The following SHLD1 variants were observed in gnomAD, a reference collection of about 807,000 sequenced individuals.
SHLD1 encodes shieldin complex subunit 1.
Under a neutral mutation model 5.5 loss-of-function variants are expected in SHLD1, and 3 were observed. That is an observed-to-expected ratio of 0.54 (90% confidence interval 0.25 to 1.40). The LOEUF is 1.40. SHLD1 is among the 40% of genes most tolerant of loss of function. SHLD1 has a pLI of 0.15. For missense variants in SHLD1, 210 were observed against 244.4 expected, an observed-to-expected ratio of 0.86 and a Z score of 0.94; for synonymous variants, 92 against 94.3, an observed-to-expected ratio of 0.98 and a Z score of 0.14.
intron 2 of SHLD1, among the ~76,000 whole-genome samples, chr20:5,812,881 TA>T (rs1287090066): frequency 6.6e-6 from 1 of 152,074 alleles, no homozygotes; most frequent in Non-Finnish European, 1.5e-5. Context: ...TTTTTATTTT[TA>T]TTTTTTTATT....
chr20:5,750,516 T>C (rs1024780786), intron 1 of SHLD1, 37 bp downstream of exon 1: 1 of 17,454 alleles, frequency 5.7e-5, no homozygotes, highest in Non-Finnish European at 1.1e-4. Context: ...GTTGGAGTGG[T>C]GGGGGCGGGG....
rs574692324 is a variant in SHLD1, at chr20:5,855,034, C to T, written c.179-7990C>T. 3.0e-4 allele frequency among the ~76,000 whole-genome samples: 45 copies of T among 151,994 alleles called. No homozygotes were observed. The East Asian group carries it at 4.1e-3, about 14-fold the overall frequency. ...GACTACAGGCATGAACCACCATGGCCGGCTAAATTTTTAATTTTTTTTTTG... is the reference window on the plus strand; with the variant it reads ...GACTACAGGCATGAACCACCATGGCTGGCTAAATTTTTAATTTTTTTTTTG... On this transcript the variant is annotated intron_variant, in intron 2 of 2. Coordinates refer to ENST00000303142, the MANE Select transcript of SHLD1 (RefSeq NM_152504.4). This position sits in a 1 kb window ranked among gnomAD's most constrained non-coding sequence, Gnocchi z 4.4.
chr20:5,754,779 G>T (rs901221518), intron 1 of SHLD1, among the ~76,000 whole-genome samples: 3 of 152,234 alleles, frequency 2.0e-5, no homozygotes, highest in Non-Finnish European at 4.4e-5. Flanking sequence ...AGTTGGGCCG[G>T]GCGTGGTGGC....
At chr20:5,752,410 CAA>C (rs1208137760) in intron 1 of SHLD1, among the ~76,000 whole-genome samples, 1 of 141,042 alleles carries the variant, frequency 7.1e-6, no homozygotes, top group East Asian at 2.1e-4. Flanking sequence ...AAAAAAAAAA[CAA>C]AAAAGAGAGA....
chr20:5,780,306 G>C (rs1483391088), intron 2 of SHLD1, among the ~76,000 whole-genome samples: 1 of 152,104 alleles, frequency 6.6e-6, no homozygotes, highest in Non-Finnish European at 1.5e-5. Context: ...CATATCATCT[G>C]TTATCAAATT....
chr20:5,807,031 C>G (rs1397622827), intron 2 of SHLD1, among the ~76,000 whole-genome samples: 1 of 152,198 alleles, frequency 6.6e-6, no homozygotes, highest in Admixed American at 6.5e-5. Context: ...TGAGCCAGGC[C>G]CATGCCCACT....
intron 2 of SHLD1, among the ~76,000 whole-genome samples, chr20:5,795,296 G>A (rs762919580): frequency 2.0e-5 from 3 of 151,064 alleles, no homozygotes; most frequent in Admixed American, 6.6e-5. Context: ...AAACCAAAGT[G>A]ATAAAATCAG....
At chr20:5,845,125 A>G (rs2087917688) in intron 2 of SHLD1, among the ~76,000 whole-genome samples, 1 of 152,090 alleles carries the variant, frequency 6.6e-6, no homozygotes, top group African/African-American at 2.4e-5. Context: ...AGCATTCACT[A>G]TTCACTTTGA....
At chr20:5,825,909 T>G (rs1367924698) in intron 2 of SHLD1, among the ~76,000 whole-genome samples, 1 of 152,246 alleles carries the variant, frequency 6.6e-6, no homozygotes, top group Non-Finnish European at 1.5e-5. Flanking sequence ...AACTGAGTAT[T>G]ATGCAACTGA....
At position 5,779,197 on chromosome 20, in the gene SHLD1, GTCTAAAAAAA is replaced by G. The variant is rs1170850457; in HGVS notation, c.178+6155_178+6164del. Among the ~76,000 whole-genome samples, 3 of 147,756 alleles carry G rather than the reference GTCTAAAAAAA, an allele frequency of 2.0e-5. No individual in the cohort carries two copies. The Admixed American group carries it at 2.0e-4, about 10-fold the overall frequency. On this transcript the variant is annotated intron_variant, in intron 2 of 2. Coordinates refer to ENST00000303142, the MANE Select transcript of SHLD1 (RefSeq NM_152504.4). ...AGTCTGGGCAACAGAGTGAGACTCT[GTCTAAAAAAA>G]AAAAAAAAAGTCAGTTAGGAGAGGT...
intron 2 of SHLD1, among the ~76,000 whole-genome samples, chr20:5,805,728 G>C (rs769202463): frequency 2.6e-5 from 4 of 152,122 alleles, no homozygotes; most frequent in African/African-American, 9.7e-5. Flanking sequence ...AGTCTCCCGA[G>C]TAGCTGTGAT....
chr20:5,750,396 T>A (rs1318125183), upstream of SHLD1: 1 of 151,350 alleles, frequency 6.6e-6, no homozygotes, highest in Non-Finnish European at 1.5e-5. Context: ...CGCCATTGCT[T>A]CCGCGTTCCG....
At chr20:5,776,783 ATAAG>A (rs1436427207) in intron 2 of SHLD1, among the ~76,000 whole-genome samples, 2 of 151,910 alleles carry the variant, frequency 1.3e-5, no homozygotes, top group East Asian at 1.9e-4. Context: ...ATAATAATAA[ATAAG>A]TAAGCATAAA....
intron 2 of SHLD1, among the ~76,000 whole-genome samples, chr20:5,823,460 T>G (rs1475201063): frequency 6.6e-6 from 1 of 151,630 alleles, no homozygotes; most frequent in Non-Finnish European, 1.5e-5. Flanking sequence ...TTGTTTTTTT[T>G]TTTTTGAGAT....
At chr20:5,769,122 G>A (rs779188231) in intron 1 of SHLD1, among the ~76,000 whole-genome samples, 3 of 152,170 alleles carry the variant, frequency 2.0e-5, no homozygotes, top group Non-Finnish European at 4.4e-5. Flanking sequence ...GCCCAGGCTG[G>A]TCTTCAACTC....
At chr20:5,859,291 AGGG>A (rs1231678125) in intron 2 of SHLD1, among the ~76,000 whole-genome samples, 1 of 152,120 alleles carries the variant, frequency 6.6e-6, no homozygotes, top group Non-Finnish European at 1.5e-5. Context: ...GGTGAGGGGC[AGGG>A]GGACATTATT....
chr20:5,811,502 G>A (rs1046959190), intron 2 of SHLD1, among the ~76,000 whole-genome samples: 8 of 151,964 alleles, frequency 5.3e-5, no homozygotes, highest in African/African-American at 1.9e-4. Flanking sequence ...AAGTGTATTA[G>A]GACCAGACTG....
At chr20:5,782,638 T>C (rs2087002711) in intron 2 of SHLD1, among the ~76,000 whole-genome samples, 1 of 152,194 alleles carries the variant, frequency 6.6e-6, no homozygotes, top group Non-Finnish European at 1.5e-5. Flanking sequence ...TTAAAGTAAA[T>C]AGTGATTTAA....
intron 2 of SHLD1, among the ~76,000 whole-genome samples, chr20:5,792,546 A>G (rs543817084): frequency 6.6e-6 from 1 of 151,888 alleles, no homozygotes; most frequent in African/African-American, 2.4e-5. Flanking sequence ...CAGTCCCCCA[A>G]ATAGCTGGGA....
Sources: gnomAD v4.1 joint callset for allele counts (sites outside exome capture counted in the v4.1 genomes callset) on GRCh38, gnomAD v4.1.1 for gene constraint, Gnocchi (gnomAD v3.1) non-coding constraint, MANE v1.5 for transcripts, NCBI Gene and HGNC (gene_info 2026-07-23, HGNC 2026-07-21) for gene names.